Variants in THPO observed in about 807,000 individuals in gnomAD.
THPO encodes thrombopoietin, also known as MPL ligand.
In THPO, 12 loss-of-function variants were observed where a neutral mutation model predicts 17.0. The observed-to-expected ratio is 0.71, with a 90% CI of 0.45 to 1.14. The LOEUF is 1.14. Among genes scored for constraint, THPO ranks in the 50% most tolerant of loss-of-function variants. THPO has a pLI of 0.00. For missense variants in THPO, 365 were observed against 427.5 expected (o/e 0.85, Z 1.29); for synonymous variants, 188 against 183.0 (o/e 1.03, Z -0.22).
rs956799327 is a variant in THPO at position 184,375,623 on chromosome 3, G to A, written c.142-22C>T. ...GGCTCTGTTGAAAAAGATTGGTGGG[G>A]GGAGAAGGGAGCTGAAATAGAGAGA... On this transcript the variant is annotated intron_variant, in intron 3 of 5. Coordinates refer to ENST00000647395, the MANE Select transcript of THPO (RefSeq NM_000460.4). 3.7e-6 allele frequency: 6 copies of A among 1,611,922 alleles called. No individual in the cohort carries two copies. In the Admixed American group the frequency reaches 5.0e-5, roughly 13 times the overall value.
Position 184,373,164 on chromosome 3 carries a change from G to C in THPO, c.411C>G (p.Gly137=), listed in dbSNP as rs1189293960. The C allele has an allele frequency of 6.2e-7, 1 of 1,611,922 alleles. No individual in the cohort carries two copies. The highest frequency in any genetic ancestry group is 2.2e-5 in the East Asian group (1 of 44,876). Residue 137 remains glycine, a synonymous_variant, in exon 6 of 6, where the codon GGC becomes GGG. Transcript: ENST00000647395. ...TGGGATCCTTGTGAGCTGTGGTCCT[G>C]CCCTGTGGAGGAAGCTGAGGGCAGA... is the stretch of plus-strand genomic sequence containing the variant. ...SLLGTQLPPQ[G]RTTAHKDPNA...
rs555302457 is a variant in THPO at position 184,375,499 on chromosome 3, G to A, written c.228+16C>T. ...ACAGGACTTAGGGAAGCCAAGGTTA[G>A]GGATGGCTTTCTTACCATCTGGGTT... is the stretch of plus-strand genomic sequence containing the variant. On this transcript the variant is annotated intron_variant, in intron 4 of 5. Transcript: ENST00000647395. 4 of 1,612,820 alleles carry A rather than the reference G, an allele frequency of 2.5e-6. No individual in the cohort carries two copies. The highest frequency in any genetic ancestry group is 4.5e-5 in the East Asian group (2 of 44,866).
chr3:184,378,053 C>T (rs1005945111), intron 1 of THPO, 22 bp downstream of exon 1: 6 of 985,570 alleles, frequency 6.1e-6, no homozygotes, highest in East Asian at 2.3e-4. Context: ...TCACATAACC[C>T]CACACCCTGC....
upstream of THPO, chr3:184,378,797 T>C: frequency 2.0e-6 from 2 of 985,298 alleles, no homozygotes; most frequent in South Asian, 9.4e-5. Context: ...CTTAGATGGC[T>C]ACACACACAG....
chr3:184,373,216 G>A (rs768937455), intron 5 of THPO, 38 bp from the exon 6 acceptor site: 2 of 1,606,002 alleles, frequency 1.2e-6, no homozygotes, highest in Non-Finnish European at 1.7e-6. Flanking sequence ...AAACACCAGG[G>A]CCAGATCTCA....
chr3:184,375,881 T>C lies in THPO; in HGVS notation c.141+7A>G. The C allele has an allele frequency of 1.2e-6, 2 of 1,612,892 alleles. No individual in the cohort carries two copies. The highest frequency in any genetic ancestry group is 1.7e-6 in the Non-Finnish European group (2 of 1,179,846). On this transcript the variant is annotated splice_region_variant and intron_variant, in intron 3 of 5. Transcript: ENST00000647395. ...CGGATAAAGGGGATAATGTTGGGAG[T>C]TCTCACCAGTCTGCTGTGAAGGACA...
chr3:184,375,517 T>A lies in THPO; in HGVS notation c.226A>T (p.Met76Leu), dbSNP rs1282498261. 1 of 1,614,026 alleles carries A rather than the reference T, an allele frequency of 6.2e-7. No homozygotes were observed. The highest frequency in any genetic ancestry group is 8.5e-7 in the Non-Finnish European group (1 of 1,180,018). Residue 76 changes from methionine (M) to leucine (L), a missense_variant and splice_region_variant, in exon 4 of 6, where the codon ATG becomes TTG. By Grantham distance (15) the Met-to-Leu change is conservative (BLOSUM62 2). Coordinates refer to ENST00000647395, the MANE Select transcript of THPO (RefSeq NM_000460.4). ...AAGGTTAGGGATGGCTTTCTTACCA[T>A]CTGGGTTTTCCATTCTCCCAAGCTA... Reference protein sequence around the residue: ...DFSLGEWKTQMEETKAQDILG... With the variant: ...DFSLGEWKTQLEETKAQDILG...
At chr3:184,378,740 A>C (rs367558530), upstream of THPO, 3 of 954,460 alleles carry the variant, frequency 3.1e-6, no homozygotes, top group East Asian at 3.5e-4. Context: ...GCACACGTGC[A>C]CTGGGTTAAG....
upstream of THPO, chr3:184,378,912 T>C (rs1714713056): frequency 1.0e-6 from 1 of 977,374 alleles, no homozygotes; most frequent in Admixed American, 6.2e-5. Context: ...GTCCCTGTCT[T>C]AGGAAAGACA....
At position 184,373,709 on chromosome 3, in the gene THPO, C is replaced by T. The variant is rs9870912; in HGVS notation, c.229-127G>A. 0.03 allele frequency: 32,930 copies of T among 1,101,474 alleles called. 615 individuals carry two copies. Among genetic ancestry groups the T allele is most frequent in the African/African-American group, 0.037 (2,390 of 64,516 alleles). The allele number at this position is 1,101,474 out of a possible 1,614,324, so 68.2% of individuals were successfully genotyped here. A position where few individuals can be genotyped will look rare whatever the true frequency, so the allele number is the denominator to read the frequency against. On this transcript the variant is annotated intron_variant, in intron 4 of 5. Transcript: ENST00000647395. ...AGAACTGGACAGGACCAAGGTCCCA[C>T]CCAGGGCAGGAATTCCTTCACAGTC...
chr3:184,375,887 C>A lies in THPO; in HGVS notation c.141+1G>T. On this transcript the variant is annotated splice_donor_variant, in intron 3 of 5. Transcript: ENST00000647395. LOFTEE classifies it high-confidence loss of function. The stretch of plus-strand genomic sequence containing the variant: ...AAGGGGATAATGTTGGGAGTTCTCA[C>A]CAGTCTGCTGTGAAGGACATGGGAG... 1 of 1,613,148 alleles carries A rather than the reference C, an allele frequency of 6.2e-7. No homozygotes were observed. Among genetic ancestry groups the A allele is most frequent in the Non-Finnish European group, 8.5e-7 (1 of 1,179,874 alleles).
chr3:184,375,158 G>A (rs527952869), intron 4 of THPO, among the ~76,000 whole-genome samples: 1 of 152,306 alleles, frequency 6.6e-6, no homozygotes, highest in East Asian at 1.9e-4. Context: ...TCTTGATTCA[G>A]TCTTTTGTTA....
At chr3:184,376,800 G>A (rs142064173) in intron 1 of THPO, among the ~76,000 whole-genome samples, 4 of 150,170 alleles carry the variant, frequency 2.7e-5, no homozygotes, top group South Asian at 4.2e-4. Flanking sequence ...AGCCGAGATC[G>A]CACCATTGCA....
rs772525753 is a variant in THPO, at chr3:184,372,657, G to A, written c.918C>T (p.Leu306=). 6 of 1,612,102 alleles carry A rather than the reference G, an allele frequency of 3.7e-6. No individual in the cohort carries two copies. The Admixed American group carries it at 1.0e-4, about 27-fold the overall frequency. The change falls in exon 6 of 6, where the codon CTC becomes CTT. Residue 306 remains leucine (L), a synonymous_variant. Coordinates refer to ENST00000647395, the MANE Select transcript of THPO (RefSeq NM_000460.4). ...TGGGCAAGGTGGGTGGAAGAGGGAA[G>A]AGCGTATACTGTCCAGTAGGAGGAT... ...PTHPPTGQYT[L]FPLPPTLPTP... is the part of the protein sequence containing the mutation.
Position 184,376,338 on chromosome 3 carries a change from C to G in THPO, c.-79G>C, listed in dbSNP as rs1381523634. 6.2e-7 allele frequency: 1 copy of G among 1,613,908 alleles called. No individual in the cohort carries two copies. On this transcript the variant is annotated 5_prime_UTR_variant, in exon 2 of 6. Coordinates refer to ENST00000647395, the MANE Select transcript of THPO (RefSeq NM_000460.4). The stretch of plus-strand genomic sequence containing the variant: ...ATCCTTCCTGGGGCCATGGAGGCGG[C>G]TTAGGCTCTTGCACTTCTGGGCAGA...
At chr3:184,377,455 G>A (rs541940452) in intron 1 of THPO, among the ~76,000 whole-genome samples, 4 of 152,268 alleles carry the variant, frequency 2.6e-5, no homozygotes, top group African/African-American at 4.8e-5. Flanking sequence ...CCTTGTCTTA[G>A]GCGCCCACTA....
chr3:184,373,245 A>C (rs1452567764), intron 5 of THPO, 67 bp from the exon 6 acceptor site: 2 of 1,596,052 alleles, frequency 1.3e-6, no homozygotes, highest in African/African-American at 2.7e-5. Flanking sequence ...TTGTCTAAGT[A>C]GGAAAGACAG....
At chr3:184,377,859 A>C (rs536656572) in intron 1 of THPO, among the ~76,000 whole-genome samples, 2 of 152,200 alleles carry the variant, frequency 1.3e-5, no homozygotes, top group Admixed American at 1.3e-4. Context: ...GCTGTGCTGT[A>C]TTCCACCAAG....
chr3:184,376,951 C>A (rs1249088555), intron 1 of THPO, among the ~76,000 whole-genome samples: 1 of 152,188 alleles, frequency 6.6e-6, no homozygotes, highest in South Asian at 2.1e-4. Context: ...TTGGTGCCAC[C>A]TACCCCTGCT....
Sources: gnomAD v4.1 joint callset for allele counts (sites outside exome capture counted in the v4.1 genomes callset) on GRCh38, gnomAD v4.1.1 for gene constraint, MANE v1.5 for transcripts, NCBI Gene and HGNC (gene_info 2026-07-23, HGNC 2026-07-21) for gene names.